GALNT18: variants seen among roughly 807,000 people sequenced by gnomAD.
The protein encoded by GALNT18 is polypeptide N-acetylgalactosaminyltransferase 18, also known as GalNAc-transferase 18.
Under a neutral mutation model 69.5 loss-of-function variants are expected in GALNT18, and 44 were observed. The ratio of observed to expected loss-of-function variants is 0.63; its 90% CI spans 0.50 to 0.81. GALNT18 has a LOEUF of 0.81. Among genes scored for constraint, GALNT18 ranks in the 40% least tolerant of loss-of-function variants. GALNT18 has a pLI of 0.00. For synonymous variants in GALNT18, 364 were observed against 318.2 expected, an observed-to-expected ratio of 1.14 and a Z score of -1.53; for missense variants, 715 against 810.0, an observed-to-expected ratio of 0.88 and a Z score of 1.42.
At chr11:11,358,707 T>C (rs906536248) in intron 6 of GALNT18, among the ~76,000 whole-genome samples, 1 of 138,968 alleles carries the variant, frequency 7.2e-6, no homozygotes, top group African/African-American at 2.7e-5. Context: ...ACCATACAAC[T>C]GTCAGCCTTC....
In GALNT18 at chr11:11,309,977, TC is replaced by T. The variant is rs34736727; in HGVS notation, c.1513-16785del. Among the ~76,000 whole-genome samples, 13,562 of 152,138 alleles carry T rather than the reference TC, an allele frequency of 0.089. 767 individuals are homozygous for T. Among genetic ancestry groups the T allele is most frequent in the Non-Finnish European group, 0.13 (8,654 of 67,978 alleles). On this transcript the variant is annotated intron_variant, in intron 9 of 10. Transcript: ENST00000227756. The surrounding 1 kb of genome is among the most constrained non-coding windows in gnomAD (Gnocchi z 4.6). The stretch of plus-strand genomic sequence containing the variant: ...TCTTCCCTTCAGTCTCAAAACATGT[TC>T]CCTTATTGCTTTCTTTAAAAAGCAA...
At chr11:11,353,248 C>T (rs1047562496) in intron 6 of GALNT18, 25 of 1,141,900 alleles carry the variant, frequency 2.2e-5, no homozygotes, top group African/African-American at 1.7e-4. Flanking sequence ...GAAGCGGCAG[C>T]GGCTGTGGCC....
Position 11,480,236 on chromosome 11 carries a change from C to T in GALNT18, c.236-31300G>A, listed in dbSNP as rs993401426. ...GGGGTCAATCTTTCTTTATTTCTTT[C>T]TTTCTTCCTTCCTTCCTCTCTCTCT... On this transcript the variant is annotated intron_variant, in intron 1 of 10. Coordinates refer to ENST00000227756, the MANE Select transcript of GALNT18 (RefSeq NM_198516.3). The surrounding 1 kb of genome is among the most constrained non-coding windows in gnomAD (Gnocchi z 4.6). Among the ~76,000 whole-genome samples, 2 of 152,004 alleles carry T rather than the reference C, an allele frequency of 1.3e-5. No individual in the cohort carries two copies. Among genetic ancestry groups the T allele is most frequent in the Non-Finnish European group, 2.9e-5 (2 of 68,008 alleles).
intron 1 of GALNT18, among the ~76,000 whole-genome samples, chr11:11,574,232 A>T (rs7931798): frequency 0.015 from 2,344 of 152,230 alleles, 60 homozygotes; most frequent in African/African-American, 0.053. Flanking sequence ...GGTCAGACCC[A>T]AAAAACTGGA....
At chr11:11,292,855 G>A (rs960780497) in intron 10 of GALNT18, among the ~76,000 whole-genome samples, 174 bp downstream of exon 10, 9 of 152,176 alleles carry the variant, frequency 5.9e-5, no homozygotes, top group African/African-American at 1.9e-4. Flanking sequence ...ACAGCACATG[G>A]TAATTTGATC....
At chr11:11,560,851 T>C (rs1590100716) in intron 1 of GALNT18, among the ~76,000 whole-genome samples, 1 of 152,196 alleles carries the variant, frequency 6.6e-6, no homozygotes, top group Admixed American at 6.5e-5. Flanking sequence ...CTTCTAGCCC[T>C]CTTTCTGGGA....
In GALNT18 at chr11:11,613,031, C is replaced by T. The variant is rs1420694477; in HGVS notation, c.235+8328G>A. Reference sequence around the variant, plus strand: ...GGGTTTCCACTAGCATCATTAAGGACAGCTTCATCTCCCAAAAATAAACCT... The same window carrying T: ...GGGTTTCCACTAGCATCATTAAGGATAGCTTCATCTCCCAAAAATAAACCT... On this transcript the variant is annotated intron_variant, in intron 1 of 10. Transcript: ENST00000227756. This position sits in a 1 kb window ranked among gnomAD's most constrained non-coding sequence, Gnocchi z 4.2. Among the ~76,000 whole-genome samples, 1 of 152,186 alleles carries T rather than the reference C, an allele frequency of 6.6e-6. No homozygotes were observed. Among genetic ancestry groups the T allele is most frequent in the African/African-American group, 2.4e-5 (1 of 41,452 alleles).
At chr11:11,325,131 TA>T (rs1160492837) in intron 9 of GALNT18, among the ~76,000 whole-genome samples, 2 of 152,178 alleles carry the variant, frequency 1.3e-5, no homozygotes, top group Non-Finnish European at 2.9e-5. Flanking sequence ...AACGAGTGGA[TA>T]AAGAAAATGT....
At position 11,315,629 on chromosome 11, in the gene GALNT18, C is replaced by T. The variant is rs1243053589; in HGVS notation, c.1512+11457G>A. ...CCTACCATCACCATCACATGTGGGG[C>T]ACCGGGTCAGGCATCATGGCATACA... On this transcript the variant is annotated intron_variant, in intron 9 of 10. Coordinates refer to ENST00000227756, the MANE Select transcript of GALNT18 (RefSeq NM_198516.3). The surrounding 1 kb of genome is among the most constrained non-coding windows in gnomAD (Gnocchi z 5.6). Among the ~76,000 whole-genome samples the T allele has an allele frequency of 1.3e-5, 2 of 152,160 alleles. No individual in the cohort carries two copies. Among genetic ancestry groups the T allele is most frequent in the Admixed American group, 6.5e-5 (1 of 15,278 alleles).
intron 9 of GALNT18, among the ~76,000 whole-genome samples, chr11:11,296,561 G>C (rs1316081972): frequency 1.3e-5 from 2 of 152,162 alleles, no homozygotes; most frequent in Non-Finnish European, 2.9e-5. Flanking sequence ...TGTCATCAAA[G>C]CCTGGTTCTT....
intron 7 of GALNT18, among the ~76,000 whole-genome samples, chr11:11,335,954 T>C (rs887666405): frequency 2.0e-5 from 3 of 152,206 alleles, no homozygotes; most frequent in East Asian, 3.8e-4. Flanking sequence ...TTCTGTTGTT[T>C]GAAGCCACCA....
At chr11:11,565,370 A>C (rs1173401042) in intron 1 of GALNT18, among the ~76,000 whole-genome samples, 1 of 152,222 alleles carries the variant, frequency 6.6e-6, no homozygotes, top group Non-Finnish European at 1.5e-5. Context: ...TGGCGGTGGC[A>C]GAGGAGCAGT....
intron 2 of GALNT18, among the ~76,000 whole-genome samples, chr11:11,440,751 T>C (rs4910003): frequency 0.36 from 54,750 of 152,086 alleles, 10,197 homozygotes; most frequent in East Asian, 0.64. Context: ...CAAGTCTTCT[T>C]TTTTACAAAT....
rs200487259 is a variant in GALNT18 at position 11,480,551 on chromosome 11, T to A, written c.236-31615A>T. Reference sequence around the variant, plus strand: ...CAGACACTCTGCTTCTAGTGTCTGGTTAGAAAGAGGCTCTGAGCAGTCTCT... The same window carrying A: ...CAGACACTCTGCTTCTAGTGTCTGGATAGAAAGAGGCTCTGAGCAGTCTCT... On this transcript the variant is annotated intron_variant, in intron 1 of 10. Transcript: ENST00000227756. This position sits in a 1 kb window ranked among gnomAD's most constrained non-coding sequence, Gnocchi z 4.6. Among the ~76,000 whole-genome samples, 3 of 652 alleles carry A rather than the reference T, an allele frequency of 4.6e-3. No individual in the cohort carries two copies. The highest frequency in any genetic ancestry group is 4.8e-3 in the African/African-American group (3 of 622). 0.4% of individuals were successfully genotyped at this position (652 alleles called of 152,430 possible). A position where few individuals can be genotyped will look rare whatever the true frequency, so the allele number is the denominator to read the frequency against.
Position 11,387,557 on chromosome 11 carries a change from C to T in GALNT18, c.596-8293G>A, listed in dbSNP as rs1273157414. On this transcript the variant is annotated intron_variant, in intron 3 of 10. Coordinates refer to ENST00000227756, the MANE Select transcript of GALNT18 (RefSeq NM_198516.3). This position sits in a 1 kb window ranked among gnomAD's most constrained non-coding sequence, Gnocchi z 4.6. ...TTATTCCTTTCCAAGTGAAAAGTGG[C>T]TTGTCTTCTTCAGATCAGAAGATTA... 4.6e-5 allele frequency among the ~76,000 whole-genome samples: 7 copies of T among 152,188 alleles called. No individual in the cohort carries two copies. Among genetic ancestry groups the T allele is most frequent in the Admixed American group, 1.3e-4 (2 of 15,280 alleles).
chr11:11,594,207 T>C (rs988552662), intron 1 of GALNT18, among the ~76,000 whole-genome samples: 5 of 152,192 alleles, frequency 3.3e-5, no homozygotes, highest in African/African-American at 1.2e-4. Flanking sequence ...ATTCCAGAAG[T>C]CTTAAATGCA....
At chr11:11,313,085 GC>G (rs1288301186) in intron 9 of GALNT18, among the ~76,000 whole-genome samples, 39 of 152,332 alleles carry the variant, frequency 2.6e-4, no homozygotes, top group African/African-American at 9.1e-4. Flanking sequence ...AAAGAAGCAG[GC>G]TTTTGGCTGA....
At chr11:11,464,184 G>A (rs898519690) in intron 1 of GALNT18, among the ~76,000 whole-genome samples, 1 of 152,190 alleles carries the variant, frequency 6.6e-6, no homozygotes, top group African/African-American at 2.4e-5. Context: ...GTGGGTCCCA[G>A]GATTTTCCAC....
rs571682885 is a variant in GALNT18, at chr11:11,563,907, A to G, written c.235+57452T>C. Among the ~76,000 whole-genome samples the G allele has an allele frequency of 6.6e-6, 1 of 152,320 alleles. No individual in the cohort carries two copies. The highest frequency in any genetic ancestry group is 2.1e-4 in the South Asian group (1 of 4,828). ...CTCCCCAAAGCATTTTGAGTTCTGA[A>G]AGCAAGAAACTGTTGATAGAGGAAA... is the stretch of plus-strand genomic sequence containing the variant. On this transcript the variant is annotated intron_variant, in intron 1 of 10. Transcript: ENST00000227756. The surrounding 1 kb of genome is among the most constrained non-coding windows in gnomAD (Gnocchi z 4.6).
Sources: allele counts gnomAD v4.1 joint callset (sites outside exome capture counted in the v4.1 genomes callset), GRCh38; gene constraint gnomAD v4.1.1; non-coding constraint Gnocchi (gnomAD v3.1); transcripts MANE v1.5; gene names NCBI Gene and HGNC (gene_info 2026-07-23, HGNC 2026-07-21).